The following GBE1 variants were observed in gnomAD, a reference collection of about 807,000 sequenced individuals.
GBE1 encodes the protein 1,4-alpha-glucan branching enzyme 1.
GBE1 carries 70 observed loss-of-function variants against 88.8 expected under a neutral mutation model. The observed-to-expected ratio is 0.79, with a 90% CI of 0.65 to 0.96. The LOEUF (loss-of-function observed/expected upper bound fraction) is 0.96. Ranked by LOEUF, GBE1 falls within the 40% of genes least tolerant of loss-of-function variation. The pLI is 0.00. For missense variants in GBE1, 872 were observed against 871.0 expected, an observed-to-expected ratio of 1.00 and a Z score of -0.01; for synonymous variants, 284 against 300.1, an observed-to-expected ratio of 0.95 and a Z score of 0.56.
At chr3:81,709,185 T>C (rs1003275268) in intron 1 of GBE1, among the ~76,000 whole-genome samples, 2 of 152,188 alleles carry the variant, frequency 1.3e-5, no homozygotes, top group Non-Finnish European at 2.9e-5. Context: ...CTATGAACTC[T>C]TCCTAATTTA....
intron 1 of GBE1, among the ~76,000 whole-genome samples, chr3:81,742,060 TCCC>T (rs1173773574): frequency 6.6e-6 from 1 of 151,524 alleles, no homozygotes; most frequent in Non-Finnish European, 1.5e-5. Context: ...TTGCCAGACT[TCCC>T]CCCATTAAAA....
rs189653577 is a variant in GBE1 at position 81,652,627 on chromosome 3, T to A, written c.430-2706A>T. 4.6e-5 allele frequency among the ~76,000 whole-genome samples: 7 copies of A among 152,298 alleles called. No individual in the cohort carries two copies. In the East Asian group the frequency reaches 1.3e-3, roughly 29 times the overall value. On this transcript the variant is annotated intron_variant, in intron 3 of 15. Transcript: ENST00000429644. Reference sequence around the variant, plus strand: ...ATTGTTACATAATAAATATCTCTACTCTTTAGGCCCCTGGATTTTGCAAGT... The same window carrying A: ...ATTGTTACATAATAAATATCTCTACACTTTAGGCCCCTGGATTTTGCAAGT...
chr3:81,562,834 A>G (rs543029429), intron 12 of GBE1, among the ~76,000 whole-genome samples: 4 of 151,718 alleles, frequency 2.6e-5, no homozygotes, highest in Non-Finnish European at 5.9e-5. Context: ...TCTCTTTACT[A>G]TTTTGAGACG....
chr3:81,627,754 T>C (rs918467502), intron 7 of GBE1, among the ~76,000 whole-genome samples: 3 of 127,630 alleles, frequency 2.4e-5, no homozygotes, highest in African/African-American at 8.2e-5. Context: ...TACATATATA[T>C]ATATATATAT....
intron 11 of GBE1, among the ~76,000 whole-genome samples, chr3:81,578,303 T>A (rs1361000734): frequency 6.6e-6 from 1 of 152,104 alleles, no homozygotes; most frequent in Non-Finnish European, 1.5e-5. Flanking sequence ...ACATTTGTTT[T>A]CAGGACTGGA....
intron 7 of GBE1, among the ~76,000 whole-genome samples, chr3:81,615,518 G>T (rs147720868): frequency 2.9e-4 from 44 of 152,228 alleles, no homozygotes; most frequent in African/African-American, 1.1e-3. Context: ...TAATATAAAT[G>T]GGATTAAACA....
chr3:81,760,761 C>T (rs1706668300), intron 1 of GBE1, among the ~76,000 whole-genome samples: 1 of 152,144 alleles, frequency 6.6e-6, no homozygotes, highest in African/African-American at 2.4e-5. Context: ...AAGTCACACA[C>T]GGACAAATGT....
At chr3:81,672,382 T>C (rs1317151959) in intron 2 of GBE1, among the ~76,000 whole-genome samples, 2 of 151,988 alleles carry the variant, frequency 1.3e-5, no homozygotes, top group Non-Finnish European at 2.9e-5. Context: ...ACAGCCACAA[T>C]ATGGGTAAAA....
intron 7 of GBE1, among the ~76,000 whole-genome samples, chr3:81,595,920 C>A (rs183431273): frequency 6.6e-6 from 1 of 152,002 alleles, no homozygotes; most frequent in East Asian, 1.9e-4. Context: ...CAATGGAGCA[C>A]CTAATTAAAA....
rs938789773 is a variant in GBE1, at chr3:81,628,470, T to C, written c.992+14311A>G. ...AAAACTGATTTATTCATGTGATCAT[T>C]GTGGAAGAATGGCAAATGATAGAAA... is the stretch of plus-strand genomic sequence containing the variant. On this transcript the variant is annotated intron_variant, in intron 7 of 15. Transcript: ENST00000429644. Among the ~76,000 whole-genome samples the C allele has an allele frequency of 2.0e-5, 3 of 152,080 alleles. No homozygotes were observed. In the East Asian group the frequency reaches 5.8e-4, roughly 29 times the overall value.
intron 12 of GBE1, among the ~76,000 whole-genome samples, chr3:81,577,659 C>T (rs147902301): frequency 1.4e-4 from 21 of 151,942 alleles, no homozygotes; most frequent in South Asian, 8.3e-4. Context: ...ACCATAATTC[C>T]GGATGTTAAA....
At chr3:81,750,632 T>A (rs1706506215) in intron 1 of GBE1, among the ~76,000 whole-genome samples, 1 of 40,400 alleles carries the variant, frequency 2.5e-5, no homozygotes, top group Non-Finnish European at 4.1e-5. Flanking sequence ...TATATATACG[T>A]ATATATATAT....
At chr3:81,602,657 C>T (rs573444068) in intron 7 of GBE1, among the ~76,000 whole-genome samples, 17 of 152,086 alleles carry the variant, frequency 1.1e-4, no homozygotes, top group African/African-American at 3.1e-4. Context: ...AATATGATCA[C>T]CTTAGAGATC....
intron 3 of GBE1, among the ~76,000 whole-genome samples, chr3:81,663,814 T>G (rs1233610975): frequency 1.3e-5 from 2 of 152,132 alleles, no homozygotes; most frequent in African/African-American, 4.8e-5. Context: ...CGCAGAGGTT[T>G]GAGCAGCGGG....
At chr3:81,590,561 T>A (rs1355263088) in intron 9 of GBE1, among the ~76,000 whole-genome samples, 1 of 152,048 alleles carries the variant, frequency 6.6e-6, no homozygotes, top group African/African-American at 2.4e-5. Flanking sequence ...GAATAACTAG[T>A]GAACATTTGG....
At position 81,525,049 on chromosome 3, in the gene GBE1, G is replaced by C. The variant is rs112298119; in HGVS notation, c.1934+10146C>G. Among the ~76,000 whole-genome samples the C allele has an allele frequency of 1.6e-4, 25 of 151,882 alleles. 1 individual carries two copies. Among genetic ancestry groups the C allele is most frequent in the African/African-American group, 6.0e-4 (25 of 41,476 alleles). On this transcript the variant is annotated intron_variant, in intron 14 of 15. Coordinates refer to ENST00000429644, the MANE Select transcript of GBE1 (RefSeq NM_000158.4). ...CATTCAGGAATATATTGTTCTATTT[G>C]AATGTGTTTGTATAGTTTCTAAAAT...
In GBE1 at chr3:81,737,323, A is replaced by T. The variant is rs1321075239; in HGVS notation, c.143+24052T>A. On this transcript the variant is annotated intron_variant, in intron 1 of 15. Transcript: ENST00000429644. ...TATAAATATATATTTATATATATTT[A>T]TATATATTTTTATATATATTTATAT... Among the ~76,000 whole-genome samples, 302 of 100,680 alleles carry T rather than the reference A, an allele frequency of 3.0e-3. 1 individual carries two copies. The highest frequency in any genetic ancestry group is 0.013 in the African/African-American group (281 of 20,842). 66.0% of individuals were successfully genotyped at this position (100,680 alleles called of 152,430 possible).
At chr3:81,729,633 T>A (rs1221108751) in intron 1 of GBE1, among the ~76,000 whole-genome samples, 2 of 152,140 alleles carry the variant, frequency 1.3e-5, no homozygotes, top group African/African-American at 4.8e-5. Context: ...CATGCCCATA[T>A]AAATACCCAT....
At chr3:81,743,728 G>T in intron 1 of GBE1, 1 of 753,412 alleles carries the variant, frequency 1.3e-6, no homozygotes, top group Non-Finnish European at 2.0e-6. Flanking sequence ...TCTGGCCCAT[G>T]TTTTTGTTTT....
Sources: allele counts gnomAD v4.1 joint callset (sites outside exome capture counted in the v4.1 genomes callset), GRCh38; gene constraint gnomAD v4.1.1; transcripts MANE v1.5; gene names NCBI Gene and HGNC (gene_info 2026-07-23, HGNC 2026-07-21).